Variants in NOX5 observed in about 807,000 individuals in gnomAD.
The protein encoded by NOX5 is NADPH oxidase 5, also known as NADPH oxidase, EF-hand calcium binding domain 5.
Under a neutral mutation model 85.7 loss-of-function variants are expected in NOX5, and 76 were observed. That is an observed-to-expected ratio of 0.89 (90% CI 0.74 to 1.07). NOX5 has a LOEUF of 1.07. Among genes scored for constraint, NOX5 ranks in the 50% least tolerant of loss-of-function variants. The pLI is 0.00. For missense variants in NOX5, 973 were observed against 999.5 expected (o/e 0.97, Z 0.36); for synonymous variants, 405 against 401.4 (o/e 1.01, Z -0.11).
At position 69,055,507 on chromosome 15, in the gene NOX5, C is replaced by T; in HGVS notation, c.2166+7C>T. 6.2e-7 allele frequency: 1 copy of T among 1,612,430 alleles called. No homozygotes were observed. The highest frequency in any genetic ancestry group is 8.5e-7 in the Non-Finnish European group (1 of 1,179,142). On this transcript the variant is annotated splice_region_variant and intron_variant, in intron 15 of 15. Transcript: ENST00000388866. ...GCGGCCTGACTGGAGCAAGGTAATG[C>T]CAACTGGAGCCCTGCAGCTTGCAGG...
Position 69,026,660 on chromosome 15 carries a change from T to C in NOX5, c.174+9T>C, listed in dbSNP as rs187731960. The C allele has an allele frequency of 1.1e-4, 185 of 1,613,908 alleles. No homozygotes were observed. The East Asian group carries it at 4.0e-3, about 35-fold the overall frequency. ...CTCTGCATGTGAAAGAGGCAAGTGT[T>C]GGGCCAAGGTGGAAGCCCTGCATTT... is the stretch of plus-strand genomic sequence containing the variant. On this transcript the variant is annotated intron_variant, in intron 2 of 15. Coordinates refer to ENST00000388866, the MANE Select transcript of NOX5 (RefSeq NM_024505.4).
intron 14 of NOX5, among the ~76,000 whole-genome samples, chr15:69,055,106 G>T (rs1167041703): frequency 6.6e-6 from 1 of 152,124 alleles, no homozygotes. Flanking sequence ...TGGTTGTGAG[G>T]TTCACCTTAG....
At chr15:69,028,089 C>A in intron 2 of NOX5, 126 bp from the exon 3 acceptor site, 1 of 1,022,794 alleles carries the variant, frequency 9.8e-7, no homozygotes, top group Non-Finnish European at 1.4e-6. Context: ...CTGAGTTCTG[C>A]CTGAATACCG....
chr15:69,016,970 C>A (rs550446962), intron 1 of NOX5, among the ~76,000 whole-genome samples: 71 of 152,222 alleles, frequency 4.7e-4, no homozygotes, highest in African/African-American at 1.7e-3. Context: ...ACCAGACATG[C>A]CTCATTATAC....
chr15:69,062,239 C>T lies in NOX5; in HGVS notation c.*5543C>T, dbSNP rs1017321267. ...GTTCAGTCCTTAAATTGCCTATTGC[C>T]TGAATTGGTGCATCAGAGACAGGCT... On this transcript the variant is annotated 3_prime_UTR_variant, in exon 16 of 16. Transcript: ENST00000388866. 6.6e-6 allele frequency: 1 copy of T among 152,024 alleles called. No individual in the cohort carries two copies. Among genetic ancestry groups the T allele is most frequent in the Non-Finnish European group, 1.5e-5 (1 of 68,002 alleles). The allele number at this position is 152,024 out of a possible 1,614,324, so 9.4% of individuals were successfully genotyped here.
intron 9 of NOX5, among the ~76,000 whole-genome samples, chr15:69,040,639 A>G (rs1410136862): frequency 6.6e-6 from 1 of 152,076 alleles, no homozygotes; most frequent in Non-Finnish European, 1.5e-5. Flanking sequence ...TGGGCGTGTC[A>G]TGTATTTCAC....
rs1280491750 is a variant in NOX5 at position 69,047,165 on chromosome 15, G to A, written c.1693-248G>A. The stretch of plus-strand genomic sequence containing the variant: ...CTGGGCACCCACGGCACACACCCCA[G>A]GGATGCGAATTGGGTCCTTGTTTTC... On this transcript the variant is annotated intron_variant, in intron 11 of 15. Transcript: ENST00000388866. 18 of 576,966 alleles carry A rather than the reference G, an allele frequency of 3.1e-5. No homozygotes were observed. The East Asian group carries it at 5.2e-4, about 17-fold the overall frequency. The allele number at this position is 576,966 out of a possible 1,614,324, so 35.7% of individuals were successfully genotyped here. A position where few individuals can be genotyped will look rare whatever the true frequency, so the allele number is the denominator to read the frequency against.
At chr15:69,030,459 G>A (rs1399120730) in intron 3 of NOX5, 1 of 152,212 alleles carries the variant, frequency 6.6e-6, no homozygotes, top group African/African-American at 2.4e-5. Flanking sequence ...GAAGGTTAGA[G>A]GGAGAAGGAA....
intron 14 of NOX5, among the ~76,000 whole-genome samples, chr15:69,054,891 A>G (rs2050791867): frequency 6.6e-6 from 1 of 152,154 alleles, no homozygotes; most frequent in Non-Finnish European, 1.5e-5. Flanking sequence ...AGGGACTGCC[A>G]TGCTCACTTC....
At chr15:69,036,927 C>G (rs1339782231) in intron 7 of NOX5, 101 bp from the exon 8 acceptor site, 2 of 930,064 alleles carry the variant, frequency 2.2e-6, no homozygotes, top group Admixed American at 4.0e-5. Flanking sequence ...AGTCAAGGCT[C>G]TGAGCACTGC....
At chr15:69,036,977 A>AC (rs1455520549) in intron 7 of NOX5, 51 bp from the exon 8 acceptor site, 4 of 1,358,214 alleles carry the variant, frequency 2.9e-6, no homozygotes, top group African/African-American at 1.4e-5. Context: ...GCTCTGTTCC[A>AC]CCCCCCAGGC....
At chr15:69,042,262 T>C (rs2050604449) in intron 9 of NOX5, among the ~76,000 whole-genome samples, 1 of 152,146 alleles carries the variant, frequency 6.6e-6, no homozygotes, top group Admixed American at 6.5e-5. Context: ...ATGGGTATCA[T>C]GAAAGCAGTT....
chr15:69,055,587 CA>C, intron 15 of NOX5, 87 bp downstream of exon 15: 2 of 1,476,250 alleles, frequency 1.4e-6, no homozygotes, highest in African/African-American at 1.4e-5. Flanking sequence ...CCCAAGCTGT[CA>C]GGGGCAAAGT....
chr15:69,018,399 T>G (rs985594636), intron 1 of NOX5, among the ~76,000 whole-genome samples: 2 of 152,270 alleles, frequency 1.3e-5, no homozygotes, highest in South Asian at 4.2e-4. Context: ...TTTACCTGAA[T>G]GATGAAAGCT....
At chr15:69,034,294 T>TGAAACATGGGATGTTTC (rs1472893354) in intron 5 of NOX5, among the ~76,000 whole-genome samples, 1 of 152,222 alleles carries the variant, frequency 6.6e-6, no homozygotes, top group African/African-American at 2.4e-5. Context: ...TGGGATGTTT[T>TGAAACATGGGATGTTTC]GATACATGGG....
intron 7 of NOX5, 124 bp downstream of exon 7, chr15:69,036,060 A>C (rs2050513025): frequency 7.5e-7 from 1 of 1,340,422 alleles, no homozygotes; most frequent in Admixed American, 2.4e-5. Context: ...TATTATTTGC[A>C]TGTGATTTGG....
chr15:69,044,878 A>G (rs1188289323), intron 10 of NOX5, among the ~76,000 whole-genome samples: 3 of 152,204 alleles, frequency 2.0e-5, no homozygotes, highest in African/African-American at 7.2e-5. Context: ...TACAGCCCCC[A>G]CTCATCCAGT....
At position 69,056,948 on chromosome 15, in the gene NOX5, C is replaced by A. The variant is rs980938588; in HGVS notation, c.*252C>A. The A allele has an allele frequency of 1.8e-5, 6 of 338,424 alleles. No homozygotes were observed. The highest frequency in any genetic ancestry group is 4.5e-5 in the Admixed American group (1 of 22,466). 21.0% of individuals were successfully genotyped at this position (338,424 alleles called of 1,614,324 possible). On this transcript the variant is annotated 3_prime_UTR_variant, in exon 16 of 16. Coordinates refer to ENST00000388866, the MANE Select transcript of NOX5 (RefSeq NM_024505.4). ...TGGGGTTTCTGTGAAAGTGAGGGAACCAGAGGCTGGTCACGGGAGCTTGGG... is the reference window on the plus strand; with the variant it reads ...TGGGGTTTCTGTGAAAGTGAGGGAAACAGAGGCTGGTCACGGGAGCTTGGG...
chr15:69,031,842 T>C (rs763785247), intron 4 of NOX5, 30 bp downstream of exon 4: 2 of 1,570,738 alleles, frequency 1.3e-6, no homozygotes, highest in South Asian at 2.3e-5. Context: ...ATTGGCACTG[T>C]CCACGGCGGC....
Sources: allele counts gnomAD v4.1 joint callset (sites outside exome capture counted in the v4.1 genomes callset), GRCh38; gene constraint gnomAD v4.1.1; transcripts MANE v1.5; gene names NCBI Gene and HGNC (gene_info 2026-07-23, HGNC 2026-07-21).